Variants in CTNNA3 observed in about 807,000 individuals in gnomAD.
CTNNA3 encodes catenin alpha 3.
CTNNA3 carries 76 observed loss-of-function variants against 95.7 expected under a neutral mutation model. The observed-to-expected ratio is 0.79, with a 90% CI of 0.66 to 0.96. The LOEUF is 0.96. Among genes scored for constraint, CTNNA3 ranks in the 40% least tolerant of loss-of-function variants. The pLI is 0.00. For missense variants in CTNNA3, 1,191 were observed against 1,089.8 expected (o/e 1.09, Z -1.31); for synonymous variants, 431 against 374.4 (o/e 1.15, Z -1.74).
intron 7 of CTNNA3, among the ~76,000 whole-genome samples, chr10:66,781,965 A>G (rs1230910697): frequency 6.6e-6 from 1 of 152,154 alleles, no homozygotes. Context: ...GACTTAAGCC[A>G]CCATACCATG....
At chr10:67,650,587 A>G (rs2133490670) in intron 1 of CTNNA3, among the ~76,000 whole-genome samples, 1 of 152,320 alleles carries the variant, frequency 6.6e-6, no homozygotes, top group South Asian at 2.1e-4. Context: ...TCCCTGCTGG[A>G]AACTGAACTT....
intron 12 of CTNNA3, among the ~76,000 whole-genome samples, chr10:66,298,029 A>G (rs2091807069): frequency 1.3e-5 from 2 of 152,198 alleles, no homozygotes; most frequent in African/African-American, 4.8e-5. Context: ...AATAAACTGC[A>G]TATTTAATTA....
intron 7 of CTNNA3, among the ~76,000 whole-genome samples, chr10:66,992,964 G>A (rs1851121922): frequency 6.6e-6 from 1 of 151,980 alleles, no homozygotes. Flanking sequence ...AAGTTTTTTG[G>A]ATTGGTGTTT....
chr10:67,042,361 G>T (rs529018982), intron 7 of CTNNA3, among the ~76,000 whole-genome samples: 2 of 152,180 alleles, frequency 1.3e-5, no homozygotes, highest in East Asian at 3.9e-4. Flanking sequence ...AACATGATTT[G>T]ACTCCCAAGT....
intron 7 of CTNNA3, among the ~76,000 whole-genome samples, chr10:66,847,568 C>T (rs1023895933): frequency 3.9e-5 from 6 of 152,078 alleles, no homozygotes; most frequent in African/African-American, 1.4e-4. Flanking sequence ...AATTCCTCAT[C>T]ATTAAAATAA....
chr10:67,418,387 C>T (rs1046703264), intron 5 of CTNNA3, among the ~76,000 whole-genome samples: 6 of 151,962 alleles, frequency 3.9e-5, no homozygotes, highest in Admixed American at 6.6e-5. Context: ...AAGAGATCTG[C>T]ATTCTGATGT....
At chr10:66,141,634 A>G (rs984196243) in intron 13 of CTNNA3, among the ~76,000 whole-genome samples, 38 of 152,192 alleles carry the variant, frequency 2.5e-4, no homozygotes, top group African/African-American at 9.2e-4. Context: ...ACAGATAAAT[A>G]TAGATTAAAG....
intron 16 of CTNNA3, among the ~76,000 whole-genome samples, chr10:65,980,758 T>G (rs890739500): frequency 1.3e-5 from 2 of 151,916 alleles, no homozygotes; most frequent in Admixed American, 1.3e-4. Flanking sequence ...ATCATCTCAA[T>G]AGACACAGAA....
chr10:66,335,223 C>T (rs2092380956), intron 12 of CTNNA3, among the ~76,000 whole-genome samples: 1 of 152,096 alleles, frequency 6.6e-6, no homozygotes, highest in Admixed American at 6.5e-5. Flanking sequence ...GCTGTCTTCT[C>T]TCAACTCGTC....
intron 12 of CTNNA3, among the ~76,000 whole-genome samples, chr10:66,285,212 A>C (rs2091564406): frequency 6.6e-6 from 1 of 151,892 alleles, no homozygotes; most frequent in Non-Finnish European, 1.5e-5. Context: ...ATCTTCAAAA[A>C]GTAAAAAATA....
At chr10:66,267,408 C>T (rs897455810) in intron 13 of CTNNA3, among the ~76,000 whole-genome samples, 3 of 152,084 alleles carry the variant, frequency 2.0e-5, no homozygotes, top group African/African-American at 7.2e-5. Flanking sequence ...CAAATGGCTA[C>T]ATCTTTGCAT....
At chr10:66,728,642 T>G (rs1272579621) in intron 9 of CTNNA3, among the ~76,000 whole-genome samples, 2 of 152,140 alleles carry the variant, frequency 1.3e-5, no homozygotes, top group African/African-American at 4.8e-5. Context: ...CAGGCTGGAG[T>G]GCAGTGGTGC....
chr10:66,054,916 G>C (rs1354288247), intron 15 of CTNNA3, among the ~76,000 whole-genome samples: 4 of 152,096 alleles, frequency 2.6e-5, no homozygotes, highest in African/African-American at 9.7e-5. Context: ...AGAGATAGAG[G>C]TCTAGTTTCA....
At chr10:67,661,058 A>G (rs1163505728) in intron 1 of CTNNA3, among the ~76,000 whole-genome samples, 1 of 152,192 alleles carries the variant, frequency 6.6e-6, no homozygotes, top group Non-Finnish European at 1.5e-5. Context: ...AAATACTCTT[A>G]TACCTTGCTT....
intron 9 of CTNNA3, among the ~76,000 whole-genome samples, chr10:66,690,300 T>A (rs891606268): frequency 1.3e-5 from 2 of 152,184 alleles, no homozygotes; most frequent in African/African-American, 4.8e-5. Context: ...ATTATTTTTA[T>A]ATGTCACGTC....
intron 5 of CTNNA3, among the ~76,000 whole-genome samples, chr10:67,343,151 A>G (rs1842278425): frequency 2.0e-5 from 3 of 152,080 alleles, no homozygotes; most frequent in Admixed American, 2.0e-4. Flanking sequence ...GTGTTTCACC[A>G]TGTTGGCCAG....
intron 8 of CTNNA3, 59 bp downstream of exon 8, chr10:66,775,385 T>C: frequency 8.8e-7 from 1 of 1,136,082 alleles, no homozygotes; most frequent in South Asian, 1.4e-5. Flanking sequence ...ATGCCTGCAA[T>C]GAATAACAGT....
intron 11 of CTNNA3, among the ~76,000 whole-genome samples, chr10:66,447,007 C>G (rs2093427407): frequency 6.6e-6 from 1 of 151,688 alleles, no homozygotes; most frequent in Non-Finnish European, 1.5e-5. Context: ...GTGCAAAAAT[C>G]ACAAGCATTC....
Position 66,917,436 on chromosome 10 carries a change from T to A in CTNNA3, c.1048-141912A>T, listed in dbSNP as rs191756564. On this transcript the variant is annotated intron_variant, in intron 7 of 17. Transcript: ENST00000433211. ...GTTTGACATATAGGCTGATATATTT[T>A]AGAGTAATATAAGGACCCACAGACT... Among the ~76,000 whole-genome samples the A allele has an allele frequency of 2.1e-3, 316 of 152,320 alleles. 1 individual carries two copies. Among genetic ancestry groups the A allele is most frequent in the African/African-American group, 7.1e-3 (297 of 41,578 alleles).
Sources: allele counts gnomAD v4.1 joint callset (sites outside exome capture counted in the v4.1 genomes callset), GRCh38; gene constraint gnomAD v4.1.1; transcripts MANE v1.5; gene names NCBI Gene and HGNC (gene_info 2026-07-23, HGNC 2026-07-21).